Variants in SLC16A7 observed in about 807,000 individuals in gnomAD.
The protein encoded by SLC16A7 is solute carrier family 16 member 7.
A neutral mutation model predicts 34.9 loss-of-function variants in SLC16A7; 33 were observed. That is an observed-to-expected ratio of 0.94 (90% CI 0.72 to 1.26). SLC16A7 has a LOEUF of 1.26. Ranked by LOEUF, SLC16A7 falls within the 50% of genes most tolerant of loss-of-function variation. SLC16A7 has a pLI of 0.00. For missense variants in SLC16A7, 573 were observed against 578.1 expected, an observed-to-expected ratio of 0.99 and a Z score of 0.09; for synonymous variants, 201 against 206.6, an observed-to-expected ratio of 0.97 and a Z score of 0.23.
intron 2 of SLC16A7, among the ~76,000 whole-genome samples, chr12:59,678,592 A>G (rs554482383): frequency 2.9e-4 from 44 of 152,228 alleles, no homozygotes; most frequent in Middle Eastern, 6.8e-3. Flanking sequence ...AGCTGAGTCC[A>G]GGGTTTTTAT....
chr12:59,614,824 TAAAAAAAAAAA>T (rs71448588), intron 1 of SLC16A7, among the ~76,000 whole-genome samples: 4 of 35,744 alleles, frequency 1.1e-4, no homozygotes, highest in Non-Finnish European at 1.4e-4. Flanking sequence ...CCATTCCTAC[TAAAAAAAAAAA>T]AAAAAAAAAA....
At chr12:59,695,003 C>T (rs1397398925) in intron 2 of SLC16A7, among the ~76,000 whole-genome samples, 1 of 151,866 alleles carries the variant, frequency 6.6e-6, no homozygotes, top group African/African-American at 2.4e-5. Context: ...TGTGAAATTT[C>T]ACAGAAATGT....
chr12:59,738,894 A>C (rs1355446053), intron 3 of SLC16A7, among the ~76,000 whole-genome samples: 1 of 151,172 alleles, frequency 6.6e-6, no homozygotes, highest in East Asian at 1.9e-4. Context: ...TGCTATTTTT[A>C]AATTTATATC....
chr12:59,696,392 G>A (rs1175742824), intron 2 of SLC16A7: 1 of 151,844 alleles, frequency 6.6e-6, no homozygotes, highest in East Asian at 1.9e-4. Flanking sequence ...TATTTCTTTA[G>A]ATAATCCAAA....
chr12:59,672,635 T>C (rs576880202), intron 2 of SLC16A7, among the ~76,000 whole-genome samples: 1 of 152,154 alleles, frequency 6.6e-6, no homozygotes, highest in Non-Finnish European at 1.5e-5. Context: ...ATTTAATTTG[T>C]TTTTTGCTTT....
chr12:59,612,188 C>A (rs987201853), intron 1 of SLC16A7, among the ~76,000 whole-genome samples: 1 of 152,252 alleles, frequency 6.6e-6, no homozygotes, highest in Non-Finnish European at 1.5e-5. Flanking sequence ...CTCGACATCT[C>A]GGCATTTCCA....
intron 1 of SLC16A7, among the ~76,000 whole-genome samples, chr12:59,647,920 G>T (rs1397705524): frequency 6.6e-6 from 1 of 152,076 alleles, no homozygotes; most frequent in Non-Finnish European, 1.5e-5. Flanking sequence ...AGATGTGGTG[G>T]AACATGCCTG....
rs145905347 is a variant in SLC16A7 at position 59,715,175 on chromosome 12, C to T, written c.217+10157C>T. ...ATGCTCTATAAAGTTGCCACAAACA[C>T]TGAATGAAAAAATACCAAATTGCTG... is the stretch of plus-strand genomic sequence containing the variant. On this transcript the variant is annotated intron_variant, in intron 3 of 5. Transcript: ENST00000547379. Among the ~76,000 whole-genome samples, 212 of 152,272 alleles carry T rather than the reference C, an allele frequency of 1.4e-3. 1 individual carries two copies. Among genetic ancestry groups the T allele is most frequent in the Middle Eastern group, 6.8e-3 (2 of 294 alleles).
rs1297356650 is a variant in SLC16A7, at chr12:59,780,765, A to G, written c.*1086A>G. Reference sequence around the variant, plus strand: ...GTAATTGGAGGTTACTGTTATGAATACTCCATCTGACTACGACTAAGAGAG... The same window carrying G: ...GTAATTGGAGGTTACTGTTATGAATGCTCCATCTGACTACGACTAAGAGAG... On this transcript the variant is annotated 3_prime_UTR_variant, in exon 6 of 6. Coordinates refer to ENST00000547379, the MANE Select transcript of SLC16A7 (RefSeq NM_001270623.2). 1.3e-5 allele frequency: 2 copies of G among 152,036 alleles called. No homozygotes were observed. Among genetic ancestry groups the G allele is most frequent in the Non-Finnish European group, 2.9e-5 (2 of 68,016 alleles). The allele number at this position is 152,036 out of a possible 1,614,324, so 9.4% of individuals were successfully genotyped here.
intron 3 of SLC16A7, among the ~76,000 whole-genome samples, chr12:59,762,803 A>G (rs1401034969): frequency 6.8e-6 from 1 of 147,138 alleles, no homozygotes; most frequent in Non-Finnish European, 1.5e-5. Context: ...TGGTCAGCAT[A>G]ATGAGACCAC....
intron 3 of SLC16A7, among the ~76,000 whole-genome samples, chr12:59,757,160 G>T (rs1880461932): frequency 6.6e-6 from 1 of 150,986 alleles, no homozygotes; most frequent in African/African-American, 2.4e-5. Context: ...AATTCTAAAT[G>T]ACGAGTTAAT....
At chr12:59,712,269 C>T (rs1016516145) in intron 3 of SLC16A7, among the ~76,000 whole-genome samples, 1 of 152,218 alleles carries the variant, frequency 6.6e-6, no homozygotes, top group Admixed American at 6.5e-5. Context: ...CTCAAGCAAT[C>T]TGTGCCAATA....
chr12:59,779,315 C>T (rs1592703828), intron 5 of SLC16A7, 108 bp from the exon 6 acceptor site: 2 of 835,498 alleles, frequency 2.4e-6, no homozygotes, highest in Middle Eastern at 3.0e-4. Context: ...TCTTATTTGA[C>T]ATTAATTTAA....
intron 1 of SLC16A7, among the ~76,000 whole-genome samples, chr12:59,601,320 A>G (rs1419397002): frequency 6.6e-6 from 1 of 152,232 alleles, no homozygotes; most frequent in East Asian, 1.9e-4. Context: ...GAATATCTAT[A>G]TCTTTTTTAA....
At chr12:59,664,922 C>T (rs1210653215) in intron 2 of SLC16A7, 3 of 152,114 alleles carry the variant, frequency 2.0e-5, no homozygotes, top group Non-Finnish European at 1.5e-5. Context: ...AAGTGTCAAA[C>T]GCAGGTTCTC....
intron 3 of SLC16A7, among the ~76,000 whole-genome samples, chr12:59,727,520 G>T (rs541104961): frequency 5.8e-4 from 88 of 152,210 alleles, no homozygotes; most frequent in Non-Finnish European, 1.1e-3. Context: ...ATCATCCTGG[G>T]TTAGGTATTT....
intron 3 of SLC16A7, among the ~76,000 whole-genome samples, chr12:59,747,156 T>C (rs1431862033): frequency 3.3e-5 from 5 of 152,158 alleles, no homozygotes. Context: ...ACAAATGACA[T>C]TTTACTACCA....
In SLC16A7 at chr12:59,666,762, C is replaced by A. The variant is rs184414675; in HGVS notation, c.-31+11512C>A. On this transcript the variant is annotated intron_variant, in intron 2 of 5. Coordinates refer to ENST00000547379, the MANE Select transcript of SLC16A7 (RefSeq NM_001270623.2). ...AAACCTTTTTCCTTTATAAGTTACC[C>A]AGTCTTGGATATGTCTTCATTAGCA... 2.0e-3 allele frequency among the ~76,000 whole-genome samples: 309 copies of A among 152,266 alleles called. 7 individuals are homozygous for A. The highest frequency in any genetic ancestry group is 0.015 in the Admixed American group (231 of 15,284).
chr12:59,713,219 C>T (rs1316585039), intron 3 of SLC16A7, among the ~76,000 whole-genome samples: 1 of 151,980 alleles, frequency 6.6e-6, no homozygotes, highest in Non-Finnish European at 1.5e-5. Context: ...AGGGTTTCAC[C>T]ATGTTGGCCA....
Sources: allele counts gnomAD v4.1 joint callset (sites outside exome capture counted in the v4.1 genomes callset), GRCh38; gene constraint gnomAD v4.1.1; transcripts MANE v1.5; gene names NCBI Gene and HGNC (gene_info 2026-07-23, HGNC 2026-07-21).